Variants in FERRY3 observed in about 807,000 individuals in gnomAD.
The protein encoded by FERRY3 is FERRY endosomal RAB5 effector complex subunit 3.
chr12:4,525,425 A>T, the FERRY3 span: 3 of 1,600,432 alleles, frequency 1.9e-6, no homozygotes, highest in Non-Finnish European at 2.6e-6. Flanking sequence ...AAAAACAAAC[A>T]AACAAAAAAA....
chr12:4,500,322 C>T, the FERRY3 span: 24 of 1,613,598 alleles, frequency 1.5e-5, no homozygotes, highest in Admixed American at 6.7e-5. Flanking sequence ...ATTAGAATGC[C>T]GTGTAATATA....
At chr12:4,528,935 AC>A in the FERRY3 span, among the ~76,000 whole-genome samples, 219 of 143,832 alleles carry the variant, frequency 1.5e-3, no homozygotes, top group African/African-American at 5.1e-3. Flanking sequence ...ACACACACAC[AC>A]ACAAACAAAA....
the FERRY3 span, among the ~76,000 whole-genome samples, chr12:4,534,593 A>G: frequency 1.3e-5 from 2 of 152,076 alleles, no homozygotes; most frequent in Non-Finnish European, 2.9e-5. Flanking sequence ...TGGTAAAGAT[A>G]GGTCTCACCA....
the FERRY3 span, among the ~76,000 whole-genome samples, chr12:4,505,603 T>C: frequency 6.6e-6 from 1 of 152,322 alleles, no homozygotes; most frequent in Non-Finnish European, 1.5e-5. Flanking sequence ...CCATTTTATG[T>C]ATGAGGAGAC....
the FERRY3 span, among the ~76,000 whole-genome samples, chr12:4,537,191 C>T: frequency 6.6e-6 from 1 of 152,192 alleles, no homozygotes; most frequent in Non-Finnish European, 1.5e-5. Flanking sequence ...TTTTTGAATG[C>T]CTTTTCCTTT....
At chr12:4,490,034 G>T in the FERRY3 span, 1 of 589,850 alleles carries the variant, frequency 1.7e-6, no homozygotes, top group East Asian at 3.0e-5. Flanking sequence ...TATCTTTCAT[G>T]GCCGATGTAA....
the FERRY3 span, among the ~76,000 whole-genome samples, chr12:4,531,263 C>A: frequency 6.6e-6 from 1 of 152,134 alleles, no homozygotes; most frequent in Non-Finnish European, 1.5e-5. Flanking sequence ...TTTAGACGTG[C>A]GACTGCTGTA....
the FERRY3 span, among the ~76,000 whole-genome samples, chr12:4,498,852 A>T: frequency 7.9e-5 from 12 of 152,180 alleles, no homozygotes; most frequent in African/African-American, 2.7e-4. Context: ...CACGCAGTTC[A>T]CAATAGGGTT....
the FERRY3 span, among the ~76,000 whole-genome samples, chr12:4,515,999 G>A: frequency 1.3e-5 from 2 of 151,992 alleles, no homozygotes; most frequent in South Asian, 2.1e-4. Context: ...TAGAAAGAAT[G>A]TTATGTTATG....
chr12:4,530,462 T>C, the FERRY3 span, among the ~76,000 whole-genome samples: 1 of 152,200 alleles, frequency 6.6e-6, no homozygotes, highest in Admixed American at 6.5e-5. Context: ...ACATACTGTA[T>C]GGTAAAATAA....
At chr12:4,534,842 C>A in the FERRY3 span, among the ~76,000 whole-genome samples, 1 of 152,126 alleles carries the variant, frequency 6.6e-6, no homozygotes, top group African/African-American at 2.4e-5. Flanking sequence ...GGTCAAAAGT[C>A]TTAACTCTTA....
the FERRY3 span, chr12:4,517,211 C>T: frequency 1.3e-6 from 2 of 1,515,692 alleles, no homozygotes; most frequent in Non-Finnish European, 8.8e-7. Flanking sequence ...AAAACATTTA[C>T]AAACTTCTAA....
the FERRY3 span, among the ~76,000 whole-genome samples, chr12:4,509,878 A>C: frequency 7.2e-6 from 1 of 139,798 alleles, no homozygotes; most frequent in Non-Finnish European, 1.5e-5. Context: ...CTCACCAGCA[A>C]TGGAACAAAG....
At chr12:4,509,653 G>A in the FERRY3 span, among the ~76,000 whole-genome samples, 46 of 143,464 alleles carry the variant, frequency 3.2e-4, 2 homozygotes, top group African/African-American at 5.0e-4. Context: ...CACCTCACAC[G>A]GCAGGGTATT....
the FERRY3 span, among the ~76,000 whole-genome samples, chr12:4,517,554 T>C: frequency 4.0e-5 from 6 of 151,414 alleles, no homozygotes; most frequent in African/African-American, 1.4e-4. Flanking sequence ...CAAAAACAAG[T>C]ATACGTTTCA....
the FERRY3 span, among the ~76,000 whole-genome samples, chr12:4,510,842 G>C: frequency 5.4e-5 from 8 of 149,318 alleles, no homozygotes; most frequent in East Asian, 4.0e-4. Context: ...ATCAACTAAC[G>C]AGCAAAATCA....
At chr12:4,490,259 T>C in the FERRY3 span, among the ~76,000 whole-genome samples, 109 of 152,304 alleles carry the variant, frequency 7.2e-4, no homozygotes, top group Non-Finnish European at 8.7e-4. Flanking sequence ...ATCTATATAA[T>C]ACAAATGTGG....
At chr12:4,492,173 C>T in the FERRY3 span, among the ~76,000 whole-genome samples, 1 of 152,004 alleles carries the variant, frequency 6.6e-6, no homozygotes, top group Non-Finnish European at 1.5e-5. Context: ...ATAATAAACC[C>T]ATTCATGTTA....
At chr12:4,537,116 C>T in the FERRY3 span, among the ~76,000 whole-genome samples, 2 of 152,190 alleles carry the variant, frequency 1.3e-5, no homozygotes, top group Non-Finnish European at 2.9e-5. Context: ...CACAAATTCA[C>T]AAATTTTATT....
Sources: gnomAD v4.1 joint callset for allele counts (sites outside exome capture counted in the v4.1 genomes callset) on GRCh38, gnomAD v4.1.1 for gene constraint, MANE v1.5 for transcripts, NCBI Gene and HGNC (gene_info 2026-07-23, HGNC 2026-07-21) for gene names.